The following XRCC4 variants were observed in gnomAD, a reference collection of about 807,000 sequenced individuals.
XRCC4 encodes X-ray repair cross complementing 4.
Under a neutral mutation model 39.1 loss-of-function variants are expected in XRCC4, and 28 were observed. The observed-to-expected ratio is 0.72, with a 90% CI of 0.53 to 0.98. The LOEUF (loss-of-function observed/expected upper bound fraction) is 0.98, where lower values mean the gene tolerates loss of function less well. Among genes scored for constraint, XRCC4 ranks in the 50% least tolerant of loss-of-function variants. The pLI, the probability that XRCC4 is intolerant of heterozygous loss-of-function variation, is 0.00. For missense variants in XRCC4, 350 were observed against 376.4 expected, an observed-to-expected ratio of 0.93 and a Z score of 0.58; for synonymous variants, 123 against 126.4, an observed-to-expected ratio of 0.97 and a Z score of 0.18.
chr5:83,107,890 C>G (rs1023651298), intron 2 of XRCC4, among the ~76,000 whole-genome samples: 1 of 151,830 alleles, frequency 6.6e-6, no homozygotes, highest in Admixed American at 6.6e-5. Flanking sequence ...GCAATACCAA[C>G]TAGAATCCTA....
intron 7 of XRCC4, among the ~76,000 whole-genome samples, chr5:83,302,202 T>C (rs1755310879): frequency 1.3e-5 from 2 of 152,068 alleles, no homozygotes; most frequent in African/African-American, 4.8e-5. Context: ...TAAGCCCTTT[T>C]TCCAGGGAAG....
intron 7 of XRCC4, among the ~76,000 whole-genome samples, chr5:83,347,275 A>G (rs1291963920): frequency 6.6e-6 from 1 of 152,206 alleles, no homozygotes. Context: ...GCAAAATAGG[A>G]TAGTAGACAT....
intron 3 of XRCC4, among the ~76,000 whole-genome samples, chr5:83,118,566 TAA>T (rs1390093939): frequency 6.6e-6 from 1 of 152,208 alleles, no homozygotes; most frequent in Admixed American, 6.5e-5. Flanking sequence ...AGGACCCAGT[TAA>T]AGAGACAGGA....
intron 6 of XRCC4, among the ~76,000 whole-genome samples, chr5:83,212,550 A>C (rs1751688483): frequency 6.6e-6 from 1 of 152,174 alleles, no homozygotes. Context: ...TACTTGAAAA[A>C]ATGAAAGCCA....
intron 3 of XRCC4, among the ~76,000 whole-genome samples, chr5:83,176,207 C>G (rs982146862): frequency 6.6e-6 from 1 of 152,160 alleles, no homozygotes; most frequent in Non-Finnish European, 1.5e-5. Flanking sequence ...TTCATTTACT[C>G]TTTTATCAAC....
At chr5:83,168,995 C>T (rs1053819503) in intron 3 of XRCC4, among the ~76,000 whole-genome samples, 2 of 152,086 alleles carry the variant, frequency 1.3e-5, no homozygotes, top group African/African-American at 4.8e-5. Flanking sequence ...ACAATTGACT[C>T]TTGCAGCAGG....
At chr5:83,181,138 A>G (rs559881244) in intron 3 of XRCC4, among the ~76,000 whole-genome samples, 2 of 142,466 alleles carry the variant, frequency 1.4e-5, no homozygotes, top group Admixed American at 1.4e-4. Context: ...AATTTTAGAT[A>G]TTATCTATTA....
intron 7 of XRCC4, among the ~76,000 whole-genome samples, chr5:83,342,154 T>C (rs1396595128): frequency 6.6e-6 from 1 of 152,218 alleles, no homozygotes; most frequent in Non-Finnish European, 1.5e-5. Flanking sequence ...CTGTGTACTT[T>C]GGTATTGATT....
chr5:83,329,076 G>GT (rs1350419880), intron 7 of XRCC4, among the ~76,000 whole-genome samples: 1 of 151,982 alleles, frequency 6.6e-6, no homozygotes, highest in African/African-American at 2.4e-5. Context: ...CACCCAGCAA[G>GT]TTGATTTTTT....
chr5:83,247,955 T>C (rs1753169202), intron 6 of XRCC4, among the ~76,000 whole-genome samples: 2 of 152,222 alleles, frequency 1.3e-5, no homozygotes, highest in African/African-American at 4.8e-5. Flanking sequence ...CACTTCTTTA[T>C]ACTGCAGTAA....
intron 7 of XRCC4, among the ~76,000 whole-genome samples, chr5:83,335,575 G>T (rs1756569875): frequency 6.6e-6 from 1 of 151,848 alleles, no homozygotes; most frequent in Non-Finnish European, 1.5e-5. Flanking sequence ...ATAATTAATT[G>T]TTTAATATAT....
chr5:83,299,313 C>CTAT (rs1206359784), intron 7 of XRCC4, among the ~76,000 whole-genome samples: 1 of 152,054 alleles, frequency 6.6e-6, no homozygotes, highest in Non-Finnish European at 1.5e-5. Flanking sequence ...TTCTTACTGG[C>CTAT]TATTTTTAAG....
intron 3 of XRCC4, among the ~76,000 whole-genome samples, chr5:83,120,849 A>G (rs1273645685): frequency 6.6e-6 from 1 of 152,204 alleles, no homozygotes; most frequent in Non-Finnish European, 1.5e-5. Context: ...AAATTTTAAA[A>G]TGTGTACATA....
At chr5:83,201,422 A>G (rs1751191447) in intron 4 of XRCC4, 1 of 152,354 alleles carries the variant, frequency 6.6e-6, no homozygotes, top group African/African-American at 2.4e-5. Context: ...GAGGTTTCAC[A>G]CCAAGTACAA....
intron 3 of XRCC4, among the ~76,000 whole-genome samples, chr5:83,191,509 C>G (rs1750692488): frequency 6.6e-6 from 1 of 152,090 alleles, no homozygotes; most frequent in South Asian, 2.1e-4. Context: ...TCGAGACCAG[C>G]CTGACCAACA....
At chr5:83,150,683 G>T (rs976980838) in intron 3 of XRCC4, among the ~76,000 whole-genome samples, 7 of 152,098 alleles carry the variant, frequency 4.6e-5, no homozygotes, top group African/African-American at 7.2e-5. Context: ...TGTGTGCTGT[G>T]TGATTTATTC....
At chr5:83,329,480 A>T (rs1756368550) in intron 7 of XRCC4, among the ~76,000 whole-genome samples, 1 of 151,258 alleles carries the variant, frequency 6.6e-6, no homozygotes, top group Admixed American at 6.7e-5. Context: ...CCCAAAAGGA[A>T]AAGCACAAAT....
intron 7 of XRCC4, among the ~76,000 whole-genome samples, chr5:83,338,836 G>T (rs995233500): frequency 6.6e-6 from 1 of 152,140 alleles, no homozygotes. Flanking sequence ...TGTGGTCAAC[G>T]GCTTTCTGTA....
At chr5:83,371,272 G>A in the XRCC4 span, among the ~76,000 whole-genome samples, 21 of 152,136 alleles carry the variant, frequency 1.4e-4, no homozygotes, top group Admixed American at 2.6e-4. Flanking sequence ...GGCATTCCTC[G>A]GGAGTATTCT....
Sources: allele counts gnomAD v4.1 joint callset (sites outside exome capture counted in the v4.1 genomes callset), GRCh38; gene constraint gnomAD v4.1.1; transcripts MANE v1.5; gene names NCBI Gene and HGNC (gene_info 2026-07-23, HGNC 2026-07-21).